The following SPATA18 variants were observed in gnomAD, a reference collection of about 807,000 sequenced individuals.
The protein encoded by SPATA18 is mitochondria-eating protein.
In SPATA18, 54 loss-of-function variants were observed where a neutral mutation model predicts 68.1. The observed-to-expected ratio is 0.79, with a 90% CI of 0.64 to 0.99. The LOEUF (loss-of-function observed/expected upper bound fraction) is 0.99, where lower values mean the gene tolerates loss of function less well. SPATA18 is among the 50% of genes least tolerant of loss of function. The probability of loss-of-function intolerance (pLI) is 0.00; values close to 1 mark genes in which losing one functional copy is unlikely to be tolerated. For synonymous variants in SPATA18, 242 were observed against 244.8 expected, an observed-to-expected ratio of 0.99 and a Z score of 0.11; for missense variants, 724 against 681.1, an observed-to-expected ratio of 1.06 and a Z score of -0.70.
chr4:52,094,387 C>A, intron 11 of SPATA18, 140 bp from the exon 12 acceptor site: 1 of 697,272 alleles, frequency 1.4e-6, no homozygotes, highest in African/African-American at 1.8e-5. Flanking sequence ...AATAGTCAAC[C>A]TTAGGGTGAA....
At position 52,094,877 on chromosome 4, in the gene SPATA18, T is replaced by C. The variant is rs1742300724; in HGVS notation, c.1610-3T>C. ...ATAATGAACTGTCTATTTTTCTCCC[T>C]AGGATTTTAAAAGCACCAGACCTGC... On this transcript the variant is annotated splice_region_variant and splice_polypyrimidine_tract_variant and intron_variant, in intron 12 of 12. Transcript: ENST00000295213. The C allele has an allele frequency of 6.2e-7, 1 of 1,613,914 alleles. No individual in the cohort carries two copies. Among genetic ancestry groups the C allele is most frequent in the African/African-American group, 1.3e-5 (1 of 74,934 alleles).
intron 1 of SPATA18, among the ~76,000 whole-genome samples, chr4:52,057,998 G>A (rs541704326): frequency 3.9e-5 from 6 of 152,298 alleles, no homozygotes; most frequent in South Asian, 4.1e-4. Flanking sequence ...CTCATTCTCC[G>A]TCCACTTAGC....
At chr4:52,085,842 C>T (rs1741379546) in intron 11 of SPATA18, among the ~76,000 whole-genome samples, 1 of 152,018 alleles carries the variant, frequency 6.6e-6, no homozygotes, top group African/African-American at 2.4e-5. Context: ...CCAGGGAGGT[C>T]GAGGCTGCAG....
chr4:52,076,742 C>A, intron 6 of SPATA18, 37 bp from the exon 7 acceptor site: 1 of 1,603,072 alleles, frequency 6.2e-7, no homozygotes, highest in Non-Finnish European at 8.5e-7. Context: ...AGAAGCAAAT[C>A]AAAGGATTTC....
intron 5 of SPATA18, among the ~76,000 whole-genome samples, chr4:52,070,397 G>A (rs560786286): frequency 2.6e-4 from 40 of 152,058 alleles, no homozygotes; most frequent in African/African-American, 9.2e-4. Flanking sequence ...AAATAATATT[G>A]GGATAATTTT....
chr4:52,089,402 G>C (rs900238016), intron 11 of SPATA18, among the ~76,000 whole-genome samples: 1 of 152,134 alleles, frequency 6.6e-6, no homozygotes, highest in Non-Finnish European at 1.5e-5. Flanking sequence ...GATCTTTCCT[G>C]CTTTGTCTTA....
chr4:52,054,526 T>C (rs1217713296), intron 1 of SPATA18, among the ~76,000 whole-genome samples: 1 of 152,124 alleles, frequency 6.6e-6, no homozygotes, highest in Non-Finnish European at 1.5e-5. Flanking sequence ...GGGGGAACGC[T>C]CACAAGCATA....
At chr4:52,077,129 G>A in intron 7 of SPATA18, 89 bp downstream of exon 7, 1 of 1,387,946 alleles carries the variant, frequency 7.2e-7, no homozygotes, top group Non-Finnish European at 9.6e-7. Context: ...AAAGACTAGT[G>A]GATCCTGAGG....
intron 11 of SPATA18, among the ~76,000 whole-genome samples, chr4:52,087,674 C>CTTGTAGAGTATAGT (rs1741555251): frequency 6.6e-6 from 1 of 152,060 alleles, no homozygotes; most frequent in Non-Finnish European, 1.5e-5. Flanking sequence ...TTACTCTAGC[C>CTTGTAGAGTATAGT]TTGTAGTATA....
chr4:52,091,798 G>C (rs1741986601), intron 11 of SPATA18, among the ~76,000 whole-genome samples: 1 of 152,220 alleles, frequency 6.6e-6, no homozygotes, highest in Non-Finnish European at 1.5e-5. Flanking sequence ...GAGCTCGAAT[G>C]CTGGGCTGGG....
chr4:52,074,364 A>G (rs557565588), intron 6 of SPATA18, among the ~76,000 whole-genome samples: 1 of 152,328 alleles, frequency 6.6e-6, no homozygotes, highest in East Asian at 1.9e-4. Context: ...TGTTGGAAAC[A>G]AAGGAAAGGG....
At chr4:52,066,813 C>T (rs3113510) in intron 4 of SPATA18, among the ~76,000 whole-genome samples, 91,153 of 151,978 alleles carry the variant, frequency 0.6, 30,338 homozygotes, top group Middle Eastern at 0.79. Flanking sequence ...CTTCATCCAT[C>T]TCCATGCAAA....
chr4:52,064,020 G>C (rs1188450872), intron 4 of SPATA18, among the ~76,000 whole-genome samples: 2 of 151,746 alleles, frequency 1.3e-5, no homozygotes, highest in Non-Finnish European at 2.9e-5. Flanking sequence ...ACCTATAAGG[G>C]GTACCATAGA....
rs190023236 is a variant in SPATA18 at position 52,059,223 on chromosome 4, T to C, written c.88-1196T>C. Among the ~76,000 whole-genome samples the C allele has an allele frequency of 2.6e-5, 4 of 152,320 alleles. No individual in the cohort carries two copies. The East Asian group carries it at 7.7e-4, about 29-fold the overall frequency. ...TTTTGCCTAGAGATTATCTCAACTT[T>C]TCTCTTACTCCACTCCTAGTTTCTA... On this transcript the variant is annotated intron_variant, in intron 1 of 12. Transcript: ENST00000295213.
intron 6 of SPATA18, among the ~76,000 whole-genome samples, chr4:52,076,427 T>TA (rs1241025860): frequency 6.6e-6 from 1 of 152,214 alleles, no homozygotes; most frequent in African/African-American, 2.4e-5. Flanking sequence ...CATCTACTTG[T>TA]AAAATAATAT....
chr4:52,068,325 A>G (rs1441351335), intron 4 of SPATA18, among the ~76,000 whole-genome samples: 1 of 152,212 alleles, frequency 6.6e-6, no homozygotes, highest in African/African-American at 2.4e-5. Context: ...TCATTCATTC[A>G]TTCATTTCTC....
intron 7 of SPATA18, among the ~76,000 whole-genome samples, chr4:52,078,036 C>T (rs1034212534): frequency 6.6e-6 from 1 of 151,540 alleles, no homozygotes; most frequent in African/African-American, 2.4e-5. Flanking sequence ...GGACCTGGCT[C>T]ATATTTCTAA....
chr4:52,063,404 A>G (rs940392718), intron 4 of SPATA18, among the ~76,000 whole-genome samples: 6 of 152,186 alleles, frequency 3.9e-5, no homozygotes, highest in Admixed American at 2.6e-4. Context: ...TTGTGCCTGC[A>G]CCTCCACACA....
chr4:52,060,351 C>T (rs971413060), intron 1 of SPATA18, 68 bp from the exon 2 acceptor site: 14 of 1,337,706 alleles, frequency 1.0e-5, no homozygotes, highest in Non-Finnish European at 1.5e-5. Flanking sequence ...AAGTGAGGCC[C>T]TGGTCTGTCT....
Sources: allele counts gnomAD v4.1 joint callset (sites outside exome capture counted in the v4.1 genomes callset), GRCh38; gene constraint gnomAD v4.1.1; transcripts MANE v1.5; gene names NCBI Gene and HGNC (gene_info 2026-07-23, HGNC 2026-07-21).